The following RASSF4 variants were observed in gnomAD, a reference collection of about 807,000 sequenced individuals.
The protein encoded by RASSF4 is ras association domain-containing protein 4.
RASSF4 carries 38 observed loss-of-function variants against 41.1 expected under a neutral mutation model. The ratio of observed to expected loss-of-function variants is 0.92; its 90% CI spans 0.71 to 1.21. RASSF4 has a LOEUF of 1.21. Ranked by LOEUF, RASSF4 falls within the 50% of genes most tolerant of loss-of-function variation. RASSF4 has a pLI of 0.00. For missense variants in RASSF4, 414 were observed against 419.4 expected (o/e 0.99, Z 0.11); for synonymous variants, 179 against 163.4 (o/e 1.10, Z -0.73).
intron 3 of RASSF4, among the ~76,000 whole-genome samples, chr10:44,974,351 G>A (rs1841305710): frequency 6.6e-6 from 1 of 152,258 alleles, no homozygotes; most frequent in South Asian, 2.1e-4. Context: ...TTATTTTCCA[G>A]GCAAAGAGAT....
chr10:44,982,566 G>T lies in RASSF4; in HGVS notation c.184G>T (p.Gly62Trp), dbSNP rs369190078. 6.2e-7 allele frequency: 1 copy of T among 1,612,566 alleles called. No homozygotes were observed. The highest frequency in any genetic ancestry group is 1.3e-5 in the African/African-American group (1 of 74,862). The change falls in exon 4 of 11, where the codon GGG becomes TGG. Residue 62 changes from glycine to tryptophan, a missense_variant. Transcript: ENST00000340258. The part of the protein sequence containing the change: ...IIEGLLNIAW[G>W]LRRPIRLQMQ... ...CGAGGGGCTCCTCAACATTGCCTGG[G>T]GGCTGAGGCGGCCCATCCGGCTGCA... is the stretch of plus-strand genomic sequence containing the variant.
intron 3 of RASSF4, chr10:44,978,247 T>A: frequency 1.8e-6 from 1 of 546,086 alleles, no homozygotes; most frequent in Non-Finnish European, 3.2e-6. Flanking sequence ...CCCAAAGGCT[T>A]AAGATTTTAT....
At chr10:44,969,086 GTGAT>G (rs1301219282) in intron 1 of RASSF4, among the ~76,000 whole-genome samples, 2 of 149,350 alleles carry the variant, frequency 1.3e-5, no homozygotes, top group Non-Finnish European at 3.0e-5. Context: ...GTGTGTGCAT[GTGAT>G]TGTGTATGCG....
At position 44,994,025 on chromosome 10, in the gene RASSF4, G is replaced by A. The variant is rs1259046319; in HGVS notation, c.*696G>A. Reference sequence around the variant, plus strand: ...AAACACGGTCATTCAATCACATTGAGGAGGGTCCACATGGCATTGAGAGGG... The same window carrying A: ...AAACACGGTCATTCAATCACATTGAAGAGGGTCCACATGGCATTGAGAGGG... On this transcript the variant is annotated 3_prime_UTR_variant, in exon 11 of 11. Transcript: ENST00000340258. The A allele has an allele frequency of 6.6e-6, 1 of 152,282 alleles. No homozygotes were observed. Among genetic ancestry groups the A allele is most frequent in the Non-Finnish European group, 1.5e-5 (1 of 68,098 alleles). 9.4% of individuals were successfully genotyped at this position (152,282 alleles called of 1,614,324 possible). A position where few individuals can be genotyped will look rare whatever the true frequency, so the allele number is the denominator to read the frequency against.
chr10:44,989,361 C>A lies in RASSF4; in HGVS notation c.619C>A (p.Leu207Met). ...AACCCTGCAGGTGCTCACCCTGCTG[C>A]TGAACAAATTTAGGGTAAGCCTGGT... ...MTTLQVLTLL[L>M]NKFRVEDGPS... The change falls in exon 7 of 11, where the codon CTG becomes ATG. Residue 207 changes from leucine (L) to methionine (M), a missense_variant. By Grantham distance (15) the Leu-to-Met change is conservative. Coordinates refer to ENST00000340258, the MANE Select transcript of RASSF4 (RefSeq NM_032023.4). 6.2e-7 allele frequency: 1 copy of A among 1,611,448 alleles called. No homozygotes were observed. Among genetic ancestry groups the A allele is most frequent in the South Asian group, 1.1e-5 (1 of 90,994 alleles).
At position 44,993,416 on chromosome 10, in the gene RASSF4, C is replaced by T. The variant is rs2132809991; in HGVS notation, c.*87C>T. On this transcript the variant is annotated 3_prime_UTR_variant, in exon 11 of 11. Coordinates refer to ENST00000340258, the MANE Select transcript of RASSF4 (RefSeq NM_032023.4). ...TGCTGGCCCCGGCCGGTCACATTGA[C>T]TGATGGCCACCGCCTGACGAATCGA... The T allele has an allele frequency of 2.4e-5, 24 of 1,011,774 alleles. No individual in the cohort carries two copies. In the South Asian group the frequency reaches 3.2e-4, roughly 14 times the overall value. 62.7% of individuals were successfully genotyped at this position (1,011,774 alleles called of 1,614,324 possible). A position where few individuals can be genotyped will look rare whatever the true frequency, so the allele number is the denominator to read the frequency against.
At chr10:44,976,065 C>T (rs1841413000) in intron 3 of RASSF4, 1 of 152,114 alleles carries the variant, frequency 6.6e-6, no homozygotes, top group Admixed American at 6.5e-5. Flanking sequence ...TAAAGGCTGC[C>T]CCACACGTTT....
chr10:44,971,187 A>G (rs1280782837), intron 2 of RASSF4: 3 of 313,358 alleles, frequency 9.6e-6, no homozygotes, highest in African/African-American at 6.5e-5. Flanking sequence ...CCTTCCTCCA[A>G]CATTAGCCAG....
chr10:44,974,811 G>T (rs1436687619), intron 3 of RASSF4, among the ~76,000 whole-genome samples: 1 of 152,250 alleles, frequency 6.6e-6, no homozygotes, highest in African/African-American at 2.4e-5. Context: ...AGGGGCTAGA[G>T]GAGGGACGCC....
chr10:44,969,783 G>C lies in RASSF4; in HGVS notation c.-38-382G>C, dbSNP rs112305502. 8.6e-3 allele frequency among the ~76,000 whole-genome samples: 1,317 copies of C among 152,358 alleles called. 21 individuals are homozygous for C. The highest frequency in any genetic ancestry group is 0.03 in the African/African-American group (1,233 of 41,574). On this transcript the variant is annotated intron_variant, in intron 1 of 10. Coordinates refer to ENST00000340258, the MANE Select transcript of RASSF4 (RefSeq NM_032023.4). ...GGCTGAGCGGGAAGGCAGGAGAGAGGCCCAGGGTAGCTCTGGAGGATTGCA... is the reference window on the plus strand; with the variant it reads ...GGCTGAGCGGGAAGGCAGGAGAGAGCCCCAGGGTAGCTCTGGAGGATTGCA...
rs1588838736 is a variant in RASSF4, at chr10:44,984,749, A to G, written c.374-64A>G. The G allele has an allele frequency of 5.1e-6, 8 of 1,581,704 alleles. No homozygotes were observed. The East Asian group carries it at 1.8e-4, about 36-fold the overall frequency. On this transcript the variant is annotated intron_variant, in intron 5 of 10. Coordinates refer to ENST00000340258, the MANE Select transcript of RASSF4 (RefSeq NM_032023.4). ...GGGCTCTAGGGTGCCAGATCTCCCGACAGCAGGCAGTTGCTCTGTCAGCAT... is the reference window on the plus strand; with the variant it reads ...GGGCTCTAGGGTGCCAGATCTCCCGGCAGCAGGCAGTTGCTCTGTCAGCAT...
chr10:44,989,671 T>C lies in RASSF4; in HGVS notation c.635T>C (p.Val212Ala). The C allele has an allele frequency of 6.2e-7, 1 of 1,614,196 alleles. No individual in the cohort carries two copies. Among genetic ancestry groups the C allele is most frequent in the Non-Finnish European group, 8.5e-7 (1 of 1,179,986 alleles). The change falls in exon 8 of 11, where the codon GTG (valine) becomes GCG (alanine). Residue 212 changes from valine (V) to alanine (A), a missense_variant and splice_region_variant. Val to Ala is a moderately conservative substitution (Grantham distance 64). Coordinates refer to ENST00000340258, the MANE Select transcript of RASSF4 (RefSeq NM_032023.4). The part of the protein sequence containing the change: ...VLTLLLNKFR[V>A]EDGPSEFALY... ...GACTTCCTGTGACTGCCTGTGCAGG[T>C]GGAAGATGGCCCCAGTGAGTTCGCA...
At chr10:44,972,437 G>C (rs1358684004) in intron 3 of RASSF4, among the ~76,000 whole-genome samples, 3 of 152,220 alleles carry the variant, frequency 2.0e-5, no homozygotes, top group Non-Finnish European at 4.4e-5. Flanking sequence ...CCGTGGGCCT[G>C]GTGCAGCCAG....
intron 3 of RASSF4, among the ~76,000 whole-genome samples, chr10:44,972,666 C>A (rs553420911): frequency 2.0e-5 from 3 of 152,208 alleles, no homozygotes; most frequent in Non-Finnish European, 4.4e-5. Context: ...ATGTTTCATG[C>A]GGGAATCTTG....
At chr10:44,974,862 CTCGCCTT>C (rs1456979974) in intron 3 of RASSF4, among the ~76,000 whole-genome samples, 1 of 152,244 alleles carries the variant, frequency 6.6e-6, no homozygotes, top group Admixed American at 6.5e-5. Flanking sequence ...TATCATGAAC[CTCGCCTT>C]TGGGATAATT....
At position 44,970,180 on chromosome 10, in the gene RASSF4, T is replaced by A. The variant is rs763249903; in HGVS notation, c.-23T>A. ...GTCTTCCCAGCAAGTAACTTCTAGG[T>A]CTGCAGACAAGAGGAAGAGAAGATG... On this transcript the variant is annotated 5_prime_UTR_variant, in exon 2 of 11. Transcript: ENST00000340258. The A allele has an allele frequency of 1.2e-6, 2 of 1,609,670 alleles. No homozygotes were observed. Among genetic ancestry groups the A allele is most frequent in the Admixed American group, 3.3e-5 (2 of 60,008 alleles).
chr10:44,963,420 C>T (rs1840783758), intron 1 of RASSF4, among the ~76,000 whole-genome samples: 1 of 152,226 alleles, frequency 6.6e-6, no homozygotes, highest in Admixed American at 6.5e-5. Flanking sequence ...TGGCCAGGCT[C>T]CTGCCATTTG....
intron 1 of RASSF4, among the ~76,000 whole-genome samples, chr10:44,968,954 A>ATG (rs1365419125): frequency 1.3e-5 from 2 of 151,646 alleles, no homozygotes; most frequent in African/African-American, 2.4e-5. Flanking sequence ...GCACTGGAGT[A>ATG]TGTGTGTGTG....
intron 1 of RASSF4, among the ~76,000 whole-genome samples, chr10:44,967,895 G>A (rs1324023928): frequency 6.6e-6 from 1 of 152,150 alleles, no homozygotes; most frequent in African/African-American, 2.4e-5. Context: ...CATGGACTGG[G>A]GCTTTTCTGG....
Sources: allele counts gnomAD v4.1 joint callset (sites outside exome capture counted in the v4.1 genomes callset), GRCh38; gene constraint gnomAD v4.1.1; transcripts MANE v1.5; gene names NCBI Gene and HGNC (gene_info 2026-07-23, HGNC 2026-07-21).